Variants in TNFSF4 observed in about 807,000 individuals in gnomAD.
The protein encoded by TNFSF4 is TNF superfamily member 4.
A neutral mutation model predicts 7.3 loss-of-function variants in TNFSF4; 4 were observed. The ratio of observed to expected loss-of-function variants is 0.55; its 90% CI spans 0.27 to 1.25. The LOEUF (loss-of-function observed/expected upper bound fraction) is 1.25. Among genes scored for constraint, TNFSF4 ranks in the 50% most tolerant of loss-of-function variants. The probability of loss-of-function intolerance (pLI) is 0.12; values close to 1 mark genes in which losing one functional copy is unlikely to be tolerated. For missense variants in TNFSF4, 181 were observed against 208.8 expected, an observed-to-expected ratio of 0.87 and a Z score of 0.82; for synonymous variants, 76 against 83.7, an observed-to-expected ratio of 0.91 and a Z score of 0.50.
chr1:173,306,146 T>C, the TNFSF4 span, among the ~76,000 whole-genome samples: 1 of 151,892 alleles, frequency 6.6e-6, no homozygotes, highest in Admixed American at 6.6e-5. Context: ...TTTTCCCCTT[T>C]CTTAGTGGTA....
the TNFSF4 span, among the ~76,000 whole-genome samples, chr1:173,305,768 G>C: frequency 6.6e-6 from 1 of 151,618 alleles, no homozygotes. Flanking sequence ...TACAATCATG[G>C]TGGAAGGAAT....
At chr1:173,377,390 C>T in the TNFSF4 span, among the ~76,000 whole-genome samples, 3 of 152,118 alleles carry the variant, frequency 2.0e-5, no homozygotes. Context: ...TTGCACTTTC[C>T]CTATACTTCT....
the TNFSF4 span, among the ~76,000 whole-genome samples, chr1:173,287,284 G>T: frequency 1.3e-5 from 2 of 152,176 alleles, no homozygotes. Flanking sequence ...GCAGTGAGCA[G>T]TAATTGTGCC....
the TNFSF4 span, among the ~76,000 whole-genome samples, chr1:173,359,670 T>C: frequency 1.3e-5 from 2 of 152,196 alleles, no homozygotes; most frequent in Non-Finnish European, 2.9e-5. Flanking sequence ...ATGTTTATTT[T>C]CCTTCATGCT....
At chr1:173,178,443 T>G in the TNFSF4 span, among the ~76,000 whole-genome samples, 65,100 of 151,894 alleles carry the variant, frequency 0.43, 17,021 homozygotes, top group African/African-American at 0.74. Flanking sequence ...GCGTGGTAGC[T>G]GGCGCCTGTA....
At chr1:173,241,769 AC>A in the TNFSF4 span, among the ~76,000 whole-genome samples, 1 of 152,206 alleles carries the variant, frequency 6.6e-6, no homozygotes, top group Non-Finnish European at 1.5e-5. Context: ...GAATGGGGTG[AC>A]CCTTGTTTCC....
the TNFSF4 span, among the ~76,000 whole-genome samples, chr1:173,430,027 A>G: frequency 3.3e-5 from 5 of 152,170 alleles, no homozygotes; most frequent in Non-Finnish European, 5.9e-5. Flanking sequence ...CTCAAGACAG[A>G]GTGTGTAGGG....
the TNFSF4 span, among the ~76,000 whole-genome samples, chr1:173,332,328 C>T: frequency 2.6e-5 from 4 of 152,186 alleles, no homozygotes; most frequent in African/African-American, 9.7e-5. Context: ...CCTTGTCTGA[C>T]TCAAACTTAC....
At chr1:173,220,158 G>A in the TNFSF4 span, among the ~76,000 whole-genome samples, 6 of 151,926 alleles carry the variant, frequency 3.9e-5, no homozygotes, top group East Asian at 3.9e-4. Context: ...TTCAAATATC[G>A]TTCTCTTGAT....
chr1:173,248,512 G>GAA, the TNFSF4 span, among the ~76,000 whole-genome samples: 1 of 148,448 alleles, frequency 6.7e-6, no homozygotes, highest in East Asian at 2.0e-4. Context: ...AAGAAAGAAA[G>GAA]AGAAAGAAGG....
the TNFSF4 span, among the ~76,000 whole-genome samples, chr1:173,214,490 G>T: frequency 6.6e-6 from 1 of 152,192 alleles, no homozygotes; most frequent in Non-Finnish European, 1.5e-5. Flanking sequence ...GATCAAGGGT[G>T]TTCAATCTTT....
At chr1:173,217,108 C>T in the TNFSF4 span, among the ~76,000 whole-genome samples, 1 of 152,176 alleles carries the variant, frequency 6.6e-6, no homozygotes, top group Non-Finnish European at 1.5e-5. Context: ...TAATTACACT[C>T]TTCTCTTAGC....
At chr1:173,275,886 A>G in the TNFSF4 span, among the ~76,000 whole-genome samples, 1 of 152,132 alleles carries the variant, frequency 6.6e-6, no homozygotes, top group Non-Finnish European at 1.5e-5. Flanking sequence ...ACTATATGAC[A>G]CTATTCTAGT....
At chr1:173,415,191 A>G in the TNFSF4 span, among the ~76,000 whole-genome samples, 1 of 152,230 alleles carries the variant, frequency 6.6e-6, no homozygotes, top group South Asian at 2.1e-4. Context: ...TGTTTTTCAC[A>G]GATATCAGGA....
At chr1:173,319,696 T>A in the TNFSF4 span, among the ~76,000 whole-genome samples, 2 of 152,194 alleles carry the variant, frequency 1.3e-5, no homozygotes, top group Non-Finnish European at 2.9e-5. Context: ...CAGACTCCAC[T>A]GGTAATACCC....
the TNFSF4 span, among the ~76,000 whole-genome samples, chr1:173,385,443 C>G: frequency 6.6e-6 from 1 of 152,194 alleles, no homozygotes; most frequent in Admixed American, 6.5e-5. Context: ...AGGCTAATAA[C>G]AGCCACAAAA....
chr1:173,343,155 T>C, the TNFSF4 span, among the ~76,000 whole-genome samples: 1 of 152,176 alleles, frequency 6.6e-6, no homozygotes, highest in African/African-American at 2.4e-5. Flanking sequence ...CCAGCACTCA[T>C]GTAGGTAGTG....
At chr1:173,177,352 A>G in the TNFSF4 span, among the ~76,000 whole-genome samples, 1 of 152,136 alleles carries the variant, frequency 6.6e-6, no homozygotes, top group Non-Finnish European at 1.5e-5. Context: ...ACAGAAAGCA[A>G]AATGCCTCAT....
chr1:173,280,781 A>G, the TNFSF4 span, among the ~76,000 whole-genome samples: 1 of 152,136 alleles, frequency 6.6e-6, no homozygotes, highest in Non-Finnish European at 1.5e-5. Flanking sequence ...CCCAGATCTC[A>G]TTGACTGGTG....
Sources: gnomAD v4.1 joint callset for allele counts (sites outside exome capture counted in the v4.1 genomes callset) on GRCh38, gnomAD v4.1.1 for gene constraint, MANE v1.5 for transcripts, NCBI Gene and HGNC (gene_info 2026-07-23, HGNC 2026-07-21) for gene names.